The following PTPN13 variants were observed in gnomAD, a reference collection of about 807,000 sequenced individuals.
PTPN13 encodes the protein tyrosine-protein phosphatase non-receptor type 13.
In PTPN13, 191 loss-of-function variants were observed where a neutral mutation model predicts 284.0. The ratio of observed to expected loss-of-function variants is 0.67; its 90% CI spans 0.60 to 0.76. The LOEUF is 0.76. PTPN13 is among the 30% of genes least tolerant of loss of function. The pLI, the probability that PTPN13 is intolerant of heterozygous loss-of-function variation, is 0.00. For missense variants in PTPN13, 2,797 were observed against 2,939.9 expected, an observed-to-expected ratio of 0.95 and a Z score of 1.12; for synonymous variants, 986 against 1,022.3, an observed-to-expected ratio of 0.96 and a Z score of 0.68.
chr4:86,761,320 A>T (rs1439306116), intron 23 of PTPN13, among the ~76,000 whole-genome samples: 1 of 151,856 alleles, frequency 6.6e-6, no homozygotes, highest in Non-Finnish European at 1.5e-5. Flanking sequence ...GACATATCAA[A>T]ACTTACTTAA....
chr4:86,728,643 CTTTTTTTTTTT>C (rs57773658), intron 10 of PTPN13, among the ~76,000 whole-genome samples: 2 of 24,500 alleles, frequency 8.2e-5, no homozygotes, highest in Non-Finnish European at 1.5e-4. Flanking sequence ...CAACCCCTGC[CTTTTTTTTTTT>C]TTTTTTTTTT....
At chr4:86,607,080 A>G (rs546897955) in intron 1 of PTPN13, among the ~76,000 whole-genome samples, 1 of 151,878 alleles carries the variant, frequency 6.6e-6, no homozygotes, top group Non-Finnish European at 1.5e-5. Context: ...CTGTCTCAAG[A>G]TAAAAATTAT....
At chr4:86,787,233 T>C (rs751221837) in intron 40 of PTPN13, among the ~76,000 whole-genome samples, 1 of 152,206 alleles carries the variant, frequency 6.6e-6, no homozygotes, top group Non-Finnish European at 1.5e-5. Context: ...TATCTTTTTT[T>C]TATTATTTTC....
rs747076527 is a variant in PTPN13, at chr4:86,775,578, A to G, written c.5817A>G (p.Thr1939=). 17 of 1,613,600 alleles carry G rather than the reference A, an allele frequency of 1.1e-5. No homozygotes were observed. The highest frequency in any genetic ancestry group is 4.0e-5 in the African/African-American group (3 of 74,944). ...DVIHYVNGVS[T]QGMTLEEVNR... is the part of the protein sequence containing the mutation. ...TCCATTATGTGAACGGAGTCAGCAC[A>G]CAAGGAATGACCTTGGAGGAAGTTA... The change falls in exon 35 of 48, where the codon ACA becomes ACG. Residue 1939 remains threonine, a synonymous_variant. Transcript: ENST00000411767.
chr4:86,796,986 G>A, intron 41 of PTPN13, 57 bp downstream of exon 41: 1 of 1,041,378 alleles, frequency 9.6e-7, no homozygotes, highest in South Asian at 1.5e-5. Context: ...TAAATGCTCT[G>A]AAGATTTCCA....
chr4:86,605,550 G>T, intron 1 of PTPN13, among the ~76,000 whole-genome samples: 1 of 151,786 alleles, frequency 6.6e-6, no homozygotes, highest in Middle Eastern at 3.2e-3. Context: ...ATTTTAGTCA[G>T]GGGGAAACAA....
intron 9 of PTPN13, among the ~76,000 whole-genome samples, chr4:86,718,413 TTAAA>T (rs1011734461): frequency 6.6e-6 from 1 of 152,144 alleles, no homozygotes; most frequent in African/African-American, 2.4e-5. Context: ...GTGTACGTAA[TTAAA>T]TACTTTACAC....
At position 86,814,864 on chromosome 4, in the gene PTPN13, C is replaced by T; in HGVS notation, c.*313C>T. 1 of 210,638 alleles carries T rather than the reference C, an allele frequency of 4.7e-6. No individual in the cohort carries two copies. The highest frequency in any genetic ancestry group is 1.7e-4 in the South Asian group (1 of 5,816). The allele number at this position is 210,638 out of a possible 1,614,324, so 13.0% of individuals were successfully genotyped here. A position where few individuals can be genotyped will look rare whatever the true frequency, so the allele number is the denominator to read the frequency against. On this transcript the variant is annotated 3_prime_UTR_variant, in exon 48 of 48. Transcript: ENST00000411767. ...ACATGGTGAGTCTATTTTTAATGCA[C>T]CAATCTTGTTTATAGCAAAAATGTT...
chr4:86,772,139 A>G (rs1740068376), intron 31 of PTPN13, among the ~76,000 whole-genome samples: 3 of 152,188 alleles, frequency 2.0e-5, no homozygotes, highest in African/African-American at 4.8e-5. Context: ...TTTCCTTATT[A>G]TGTTGAAACA....
chr4:86,727,942 G>T (rs1316084069), intron 10 of PTPN13, among the ~76,000 whole-genome samples: 1 of 149,408 alleles, frequency 6.7e-6, no homozygotes, highest in African/African-American at 2.4e-5. Context: ...GCTTTCTCTT[G>T]TGGGCATTTA....
At chr4:86,722,696 A>G (rs1286893467) in intron 10 of PTPN13, among the ~76,000 whole-genome samples, 1 of 152,184 alleles carries the variant, frequency 6.6e-6, no homozygotes, top group Non-Finnish European at 1.5e-5. Context: ...GTATATTCAT[A>G]ATCCTTAAAG....
At chr4:86,740,027 C>T (rs1287405259) in intron 15 of PTPN13, among the ~76,000 whole-genome samples, 4 of 152,176 alleles carry the variant, frequency 2.6e-5, no homozygotes, top group Non-Finnish European at 5.9e-5. Flanking sequence ...GCCCCTGTGT[C>T]TTTGTAGGGT....
In PTPN13 at chr4:86,607,485, G is replaced by A. The variant is rs538190552; in HGVS notation, c.-6+12696G>A. 1.8e-4 allele frequency among the ~76,000 whole-genome samples: 28 copies of A among 152,068 alleles called. No individual in the cohort carries two copies. In the South Asian group the frequency reaches 5.6e-3, roughly 30 times the overall value. On this transcript the variant is annotated intron_variant, in intron 1 of 47. Coordinates refer to ENST00000411767, the MANE Select transcript of PTPN13 (RefSeq NM_080683.3). ...TATTTATCTTTACAGTCCTGTTGAGGTACACGCAATCCTGTGAAGTAAATG... is the reference window on the plus strand; with the variant it reads ...TATTTATCTTTACAGTCCTGTTGAGATACACGCAATCCTGTGAAGTAAATG...
intron 26 of PTPN13, 53 bp downstream of exon 26, chr4:86,765,541 G>A: frequency 7.9e-7 from 1 of 1,260,018 alleles, no homozygotes; most frequent in East Asian, 2.6e-5. Flanking sequence ...ACAACAAATA[G>A]ATAAGAAATT....
chr4:86,675,530 C>T (rs1266861940), intron 3 of PTPN13, among the ~76,000 whole-genome samples: 1 of 152,064 alleles, frequency 6.6e-6, no homozygotes, highest in Non-Finnish European at 1.5e-5. Flanking sequence ...TTTTATAATG[C>T]TCAGTGACCA....
At chr4:86,753,613 A>G (rs904058219) in intron 20 of PTPN13, among the ~76,000 whole-genome samples, 5 of 152,098 alleles carry the variant, frequency 3.3e-5, no homozygotes, top group African/African-American at 1.2e-4. Flanking sequence ...AAATGCTGAG[A>G]TTATAGTTTA....
intron 40 of PTPN13, among the ~76,000 whole-genome samples, chr4:86,791,671 A>T (rs1742686721): frequency 6.6e-6 from 1 of 152,178 alleles, no homozygotes; most frequent in South Asian, 2.1e-4. Context: ...ATCAGGCAGC[A>T]ATATTTGCTG....
At chr4:86,615,455 A>G (rs1305199825) in intron 1 of PTPN13, among the ~76,000 whole-genome samples, 1 of 152,110 alleles carries the variant, frequency 6.6e-6, no homozygotes, top group African/African-American at 2.4e-5. Flanking sequence ...TTCATTCCCT[A>G]CTGTCTGTCA....
chr4:86,810,984 C>T, intron 46 of PTPN13, 62 bp from the exon 47 acceptor site: 3 of 1,502,894 alleles, frequency 2.0e-6, no homozygotes, highest in Non-Finnish European at 2.8e-6. Flanking sequence ...CCTCTGTGAT[C>T]CTTTTGAGAT....
Sources: allele counts gnomAD v4.1 joint callset (sites outside exome capture counted in the v4.1 genomes callset), GRCh38; gene constraint gnomAD v4.1.1; transcripts MANE v1.5; gene names NCBI Gene and HGNC (gene_info 2026-07-23, HGNC 2026-07-21).